The following SUPT3H variants were observed in gnomAD, a reference collection of about 807,000 sequenced individuals.
SUPT3H encodes transcription initiation protein SPT3 homolog.
A neutral mutation model predicts 44.3 loss-of-function variants in SUPT3H; 44 were observed. That is an observed-to-expected ratio of 0.99 (90% CI 0.78 to 1.28). The LOEUF (loss-of-function observed/expected upper bound fraction) is 1.28. Ranked by LOEUF, SUPT3H falls within the 50% of genes most tolerant of loss-of-function variation. SUPT3H has a pLI of 0.00. For missense variants in SUPT3H, 380 were observed against 387.1 expected, an observed-to-expected ratio of 0.98 and a Z score of 0.15; for synonymous variants, 124 against 125.6, an observed-to-expected ratio of 0.99 and a Z score of 0.09.
intron 2 of SUPT3H, among the ~76,000 whole-genome samples, chr6:45,325,729 T>C (rs948382437): frequency 6.6e-6 from 1 of 151,880 alleles, no homozygotes; most frequent in Non-Finnish European, 1.5e-5. Flanking sequence ...TTTATTTGCA[T>C]TGACTTTTCT....
intron 3 of SUPT3H, among the ~76,000 whole-genome samples, chr6:45,062,628 G>A (rs1208031811): frequency 2.6e-5 from 4 of 152,222 alleles, no homozygotes; most frequent in Admixed American, 6.5e-5. Context: ...CCGAAGCAGG[G>A]CGAGGCATTG....
At chr6:45,058,428 T>C (rs1045002822) in intron 3 of SUPT3H, among the ~76,000 whole-genome samples, 10 of 152,192 alleles carry the variant, frequency 6.6e-5, no homozygotes, top group Non-Finnish European at 1.5e-4. Context: ...ACCTTCTATA[T>C]TCTAAGGAAT....
At chr6:45,032,525 G>A (rs2153524923) in intron 3 of SUPT3H, among the ~76,000 whole-genome samples, 1 of 152,272 alleles carries the variant, frequency 6.6e-6, no homozygotes, top group Non-Finnish European at 1.5e-5. Flanking sequence ...TAATAACTTG[G>A]TAGGCTGAGA....
intron 2 of SUPT3H, among the ~76,000 whole-genome samples, chr6:45,335,122 T>C (rs560654922): frequency 2.0e-5 from 3 of 151,252 alleles, no homozygotes; most frequent in Non-Finnish European, 4.5e-5. Flanking sequence ...CCATGTAACC[T>C]GGGTAAACAA....
chr6:45,024,425 A>G (rs1785632471), intron 3 of SUPT3H, among the ~76,000 whole-genome samples: 2 of 151,948 alleles, frequency 1.3e-5, no homozygotes, highest in Admixed American at 1.3e-4. Flanking sequence ...TATTTCCACC[A>G]TATTTGTTCT....
intron 10 of SUPT3H, among the ~76,000 whole-genome samples, chr6:44,900,323 C>A (rs979525925): frequency 6.6e-6 from 1 of 152,204 alleles, no homozygotes; most frequent in Non-Finnish European, 1.5e-5. Context: ...CACTGCCACC[C>A]TAATACTGCG....
rs939302426 is a variant in SUPT3H, at chr6:45,066,024, C to A, written c.186+39898G>T. On this transcript the variant is annotated intron_variant, in intron 3 of 10. Coordinates refer to ENST00000371459, the MANE Select transcript of SUPT3H (RefSeq NM_003599.4). ...CACAACCAAAAAAGAGAATTTTAGA[C>A]CAATATCCTTGATGAACATTGATGC... 1.6e-3 allele frequency among the ~76,000 whole-genome samples: 216 copies of A among 139,134 alleles called. 1 individual carries two copies. Among genetic ancestry groups the A allele is most frequent in the African/African-American group, 5.6e-3 (203 of 36,570 alleles). 91.3% of individuals were successfully genotyped at this position (139,134 alleles called of 152,430 possible).
Position 45,264,252 on chromosome 6 carries a change from C to A in SUPT3H, c.101+100949G>T, listed in dbSNP as rs190990047. 3.7e-4 allele frequency among the ~76,000 whole-genome samples: 57 copies of A among 152,148 alleles called. 1 individual carries two copies. In the East Asian group the frequency reaches 9.3e-3, roughly 25 times the overall value. Reference sequence around the variant, plus strand: ...GAAATCTGTATTTTTTAGAAACACCCAGAATAAGATTTCAGAAGAAGTATT... The same window carrying A: ...GAAATCTGTATTTTTTAGAAACACCAAGAATAAGATTTCAGAAGAAGTATT... On this transcript the variant is annotated intron_variant, in intron 2 of 10. Transcript: ENST00000371459.
At chr6:45,019,600 A>G (rs894330430) in intron 4 of SUPT3H, among the ~76,000 whole-genome samples, 8 of 152,004 alleles carry the variant, frequency 5.3e-5, no homozygotes, top group Non-Finnish European at 1.2e-4. Flanking sequence ...TTCAGGTTCA[A>G]GATTTCTATT....
chr6:44,910,110 G>A (rs1205830609), intron 10 of SUPT3H, among the ~76,000 whole-genome samples: 4 of 152,140 alleles, frequency 2.6e-5, no homozygotes, highest in Non-Finnish European at 5.9e-5. Flanking sequence ...TTTCCCCACT[G>A]TCTTCTGAGT....
intron 2 of SUPT3H, among the ~76,000 whole-genome samples, chr6:45,171,238 G>A (rs1810716552): frequency 6.6e-6 from 1 of 151,940 alleles, no homozygotes; most frequent in Non-Finnish European, 1.5e-5. Flanking sequence ...TTTGATCTCA[G>A]GGCACTAATT....
intron 2 of SUPT3H, among the ~76,000 whole-genome samples, chr6:45,212,413 T>G (rs2153631037): frequency 6.6e-6 from 1 of 152,052 alleles, no homozygotes; most frequent in Non-Finnish European, 1.5e-5. Context: ...TAAAAGGAGT[T>G]TCCTTTTCTT....
chr6:45,018,612 T>G (rs1041745740), intron 4 of SUPT3H, among the ~76,000 whole-genome samples: 1 of 151,876 alleles, frequency 6.6e-6, no homozygotes, highest in Non-Finnish European at 1.5e-5. Flanking sequence ...AATCATGTGG[T>G]TTTTGTCTTT....
At chr6:44,984,863 G>A (rs2153492496) in intron 6 of SUPT3H, among the ~76,000 whole-genome samples, 1 of 152,202 alleles carries the variant, frequency 6.6e-6, no homozygotes, top group East Asian at 1.9e-4. Flanking sequence ...TACATAGTAG[G>A]AAATATTATC....
intron 2 of SUPT3H, among the ~76,000 whole-genome samples, chr6:45,140,654 T>A (rs1190890798): frequency 6.6e-6 from 1 of 151,870 alleles, no homozygotes; most frequent in Non-Finnish European, 1.5e-5. Context: ...TGTAAATCAC[T>A]CCCCTGCCAC....
chr6:44,839,982 G>A (rs1253912045), intron 10 of SUPT3H, among the ~76,000 whole-genome samples: 1 of 152,204 alleles, frequency 6.6e-6, no homozygotes, highest in Non-Finnish European at 1.5e-5. Flanking sequence ...TTACAGGCGT[G>A]AGCCACCGCA....
intron 2 of SUPT3H, among the ~76,000 whole-genome samples, chr6:45,142,833 A>G (rs1006866824): frequency 5.9e-5 from 9 of 151,600 alleles, no homozygotes; most frequent in Non-Finnish European, 1.0e-4. Flanking sequence ...TCACTAACAC[A>G]TAAGGACTCA....
intron 10 of SUPT3H, among the ~76,000 whole-genome samples, chr6:44,878,950 G>T (rs957644561): frequency 2.0e-5 from 3 of 152,068 alleles, no homozygotes; most frequent in African/African-American, 7.2e-5. Flanking sequence ...GATTCCCTTG[G>T]GTACCTACAT....
At chr6:45,125,204 A>G (rs1281355838) in intron 2 of SUPT3H, among the ~76,000 whole-genome samples, 5 of 152,214 alleles carry the variant, frequency 3.3e-5, no homozygotes. Context: ...ACACAAACTT[A>G]TCAACGTATT....
Sources: allele counts gnomAD v4.1 joint callset (sites outside exome capture counted in the v4.1 genomes callset), GRCh38; gene constraint gnomAD v4.1.1; transcripts MANE v1.5; gene names NCBI Gene and HGNC (gene_info 2026-07-23, HGNC 2026-07-21).